Variants in GSE1 observed in about 807,000 individuals in gnomAD.
GSE1 encodes genetic suppressor element 1.
A neutral mutation model predicts 112.6 loss-of-function variants in GSE1; 32 were observed. That is an observed-to-expected ratio of 0.28 (90% CI 0.21 to 0.38). The LOEUF is 0.38. Among genes scored for constraint, GSE1 ranks in the 10% least tolerant of loss-of-function variants. The pLI is 1.00. For synonymous variants in GSE1, 1,115 were observed against 735.6 expected (o/e 1.52, Z -8.35); for missense variants, 2,348 against 1,699.2 (o/e 1.38, Z -6.71).
intron 1 of GSE1, among the ~76,000 whole-genome samples, chr16:85,565,811 G>A (rs2045722910): frequency 6.6e-6 from 1 of 152,224 alleles, no homozygotes; most frequent in Non-Finnish European, 1.5e-5. Context: ...GAAGCAGGAG[G>A]GACCCTGGGT....
At chr16:85,517,328 T>C (rs1472282726) in intron 2 of GSE1, among the ~76,000 whole-genome samples, 1 of 152,132 alleles carries the variant, frequency 6.6e-6, no homozygotes, top group Non-Finnish European at 1.5e-5. Flanking sequence ...TCCTGCTGCT[T>C]AACCTCCCCG....
chr16:85,505,114 A>G lies in GSE1; in HGVS notation c.2465-128800A>G, dbSNP rs28521760. Among the ~76,000 whole-genome samples, 1,004 of 152,188 alleles carry G rather than the reference A, an allele frequency of 6.6e-3. 6 individuals are homozygous for G. Among genetic ancestry groups the G allele is most frequent in the African/African-American group, 0.022 (910 of 41,536 alleles). The stretch of plus-strand genomic sequence containing the variant: ...TCCGGTTTGGATCCTGGTTTGTTCA[A>G]TGTTGGGCCTGGCCCTGTCGTGTGC... On this transcript the variant is annotated intron_variant, in intron 2 of 2. Coordinates refer to the GSE1 transcript ENST00000637419.
intron 1 of GSE1, among the ~76,000 whole-genome samples, chr16:85,261,566 A>G (rs1046954875): frequency 1.1e-4 from 16 of 152,172 alleles, no homozygotes; most frequent in Admixed American, 1.0e-3. Flanking sequence ...AGAGGCCAGG[A>G]CAGGCTCAGA....
intron 1 of GSE1, among the ~76,000 whole-genome samples, chr16:85,249,386 C>T (rs1270060259): frequency 6.6e-6 from 1 of 152,220 alleles, no homozygotes; most frequent in African/African-American, 2.4e-5. Flanking sequence ...CTTGCGGAGG[C>T]CCAGTCGGGC....
At chr16:85,209,367 G>A (rs2075183290) in intron 1 of GSE1, among the ~76,000 whole-genome samples, 3 of 152,286 alleles carry the variant, frequency 2.0e-5, no homozygotes, top group South Asian at 4.1e-4. Flanking sequence ...GCACCTCCTG[G>A]CTGTCAGTGC....
chr16:85,604,581 G>C (rs1368685443), intron 1 of GSE1, among the ~76,000 whole-genome samples: 1 of 148,782 alleles, frequency 6.7e-6, no homozygotes, highest in Non-Finnish European at 1.5e-5. Context: ...ACCACATTTT[G>C]TTTATCTCTT....
At chr16:85,177,159 GCCT>G (rs1293757209) in intron 1 of GSE1, among the ~76,000 whole-genome samples, 1 of 152,236 alleles carries the variant, frequency 6.6e-6, no homozygotes, top group Non-Finnish European at 1.5e-5. Flanking sequence ...TCAAAACTCG[GCCT>G]CCCCTGGAAG....
chr16:85,276,904 C>T (rs937475283), intron 1 of GSE1, among the ~76,000 whole-genome samples: 1 of 152,186 alleles, frequency 6.6e-6, no homozygotes, highest in East Asian at 1.9e-4. Flanking sequence ...CCCCCAAGGC[C>T]GGGCTCTGGA....
At chr16:85,202,506 G>A (rs867863249) in intron 1 of GSE1, among the ~76,000 whole-genome samples, 1 of 152,200 alleles carries the variant, frequency 6.6e-6, no homozygotes, top group Admixed American at 6.5e-5. Context: ...TCATGGTGGC[G>A]CTGATGGGGA....
rs1333764241 is a variant in GSE1 at position 85,673,087 on chromosome 16, A to ACAAGT, written c.*550_*554dup. On this transcript the variant is annotated 3_prime_UTR_variant, in exon 16 of 16. Transcript: ENST00000253458. ...TTCCTGCAAAATTTTCTTCAAAGCA[A>ACAAGT]CAAGTCCTAGGAGCACACAAAGCAA... 1.4e-5 allele frequency: 2 copies of ACAAGT among 144,308 alleles called. No homozygotes were observed. The highest frequency in any genetic ancestry group is 4.0e-4 in the East Asian group (2 of 5,006). The allele number at this position is 144,308 out of a possible 1,614,324, so 8.9% of individuals were successfully genotyped here.
At chr16:85,282,829 G>A (rs544662638) in intron 1 of GSE1, 3 of 152,308 alleles carry the variant, frequency 2.0e-5, no homozygotes, top group East Asian at 1.9e-4. Context: ...GCTGCATAAC[G>A]AATCACTCCC....
At chr16:85,549,953 G>A (rs992777681) in intron 2 of GSE1, among the ~76,000 whole-genome samples, 5 of 152,200 alleles carry the variant, frequency 3.3e-5, no homozygotes, top group South Asian at 2.1e-4. Context: ...GCATTGTGGA[G>A]CCCCAGTGCA....
At chr16:85,552,579 GT>G (rs750169147), upstream of GSE1, among the ~76,000 whole-genome samples, 206 of 150,958 alleles carry the variant, frequency 1.4e-3, no homozygotes, top group Admixed American at 2.7e-3. Flanking sequence ...TGATCCGTCC[GT>G]CTCGGCCTCC....
chr16:85,449,035 T>C (rs972388858), intron 2 of GSE1, among the ~76,000 whole-genome samples: 1 of 152,036 alleles, frequency 6.6e-6, no homozygotes, highest in Non-Finnish European at 1.5e-5. Context: ...ATTGACTCTG[T>C]CAAAGGCAGG....
Position 85,590,771 on chromosome 16 carries a change from G to A in GSE1, c.37+34408G>A, listed in dbSNP as rs144947366. Among the ~76,000 whole-genome samples the A allele has an allele frequency of 2.3e-3, 357 of 152,284 alleles. 2 individuals carry two copies. The highest frequency in any genetic ancestry group is 8.1e-3 in the African/African-American group (337 of 41,548). ...TGGGAGAAGTGGGTGTTGGGCTCCC[G>A]CCCGGCCACGCTGCACCACCATTTG... On this transcript the variant is annotated intron_variant, in intron 1 of 2. Coordinates refer to the GSE1 transcript ENST00000635906.
intron 1 of GSE1, among the ~76,000 whole-genome samples, chr16:85,298,254 T>A (rs1597327357): frequency 6.6e-6 from 1 of 152,182 alleles, no homozygotes; most frequent in East Asian, 1.9e-4. Flanking sequence ...CCTGGCCCCA[T>A]CCCTCAGCTG....
intron 2 of GSE1, among the ~76,000 whole-genome samples, chr16:85,520,745 A>G (rs1206228803): frequency 6.6e-6 from 1 of 151,860 alleles, no homozygotes. Context: ...TTTATTCTCA[A>G]CCTTTCAGAA....
intron 2 of GSE1, among the ~76,000 whole-genome samples, chr16:85,500,202 G>T (rs1295424257): frequency 1.3e-5 from 2 of 152,212 alleles, no homozygotes; most frequent in Admixed American, 1.3e-4. Context: ...TCTGGAAAAG[G>T]TTTGTTCTTT....
At chr16:85,248,339 C>T (rs1198506728) in intron 1 of GSE1, among the ~76,000 whole-genome samples, 1 of 152,130 alleles carries the variant, frequency 6.6e-6, no homozygotes, top group African/African-American at 2.4e-5. Flanking sequence ...GTGCTGCCAT[C>T]CTCAGTAGCT....
Sources: allele counts gnomAD v4.1 joint callset (sites outside exome capture counted in the v4.1 genomes callset), GRCh38; gene constraint gnomAD v4.1.1; transcripts MANE v1.5; gene names NCBI Gene and HGNC (gene_info 2026-07-23, HGNC 2026-07-21).